ZBTB48: variants seen among roughly 807,000 people sequenced by gnomAD.
The protein encoded by ZBTB48 is zinc finger and BTB domain-containing protein 48.
Under a neutral mutation model 64.5 loss-of-function variants are expected in ZBTB48, and 35 were observed. The ratio of observed to expected loss-of-function variants is 0.54; its 90% CI spans 0.41 to 0.72. The LOEUF (loss-of-function observed/expected upper bound fraction) is 0.72. Ranked by LOEUF, ZBTB48 falls within the 30% of genes least tolerant of loss-of-function variation. ZBTB48 has a pLI of 0.00. For synonymous variants in ZBTB48, 442 were observed against 356.7 expected, an observed-to-expected ratio of 1.24 and a Z score of -2.70; for missense variants, 828 against 895.3, an observed-to-expected ratio of 0.92 and a Z score of 0.96.
intron 7 of ZBTB48, 96 bp downstream of exon 7, chr1:6,587,728 GA>G: frequency 6.5e-7 from 1 of 1,536,628 alleles, no homozygotes. Context: ...TTACACAGAT[GA>G]GTGTGCCCTT....
chr1:6,582,112 C>T lies in ZBTB48; in HGVS notation c.745C>T (p.Pro249Ser). The change falls in exon 3 of 11, where the codon CCT becomes TCT. Residue 249 changes from proline to serine, a missense_variant. Transcript: ENST00000377674. ...TGGGGATGGCGATTACATGTCTGAG[C>T]CTGAGGCTGTGCTGACCAGGAGGAA... ...DDGDGDYMSEPEAVLTRRKSN... is the reference protein window; with the variant it reads ...DDGDGDYMSESEAVLTRRKSN... 6.2e-7 allele frequency: 1 copy of T among 1,614,166 alleles called. No homozygotes were observed. The highest frequency in any genetic ancestry group is 8.5e-7 in the Non-Finnish European group (1 of 1,180,030).
At position 6,588,050 on chromosome 1, in the gene ZBTB48, A is replaced by G; in HGVS notation, c.1380-10A>G. The G allele has an allele frequency of 1.2e-6, 2 of 1,613,750 alleles. No homozygotes were observed. The highest frequency in any genetic ancestry group is 1.7e-6 in the Non-Finnish European group (2 of 1,179,926). ...GTGATGGCCTCTGCCCCATGTCCCC[A>G]CCTTAACAGGAATGAGAGGCCACAC... On this transcript the variant is annotated splice_polypyrimidine_tract_variant and intron_variant, in intron 7 of 10. Transcript: ENST00000377674.
At chr1:6,583,024 C>T (rs1314085035) in intron 3 of ZBTB48, among the ~76,000 whole-genome samples, 2 of 151,746 alleles carry the variant, frequency 1.3e-5, no homozygotes, top group African/African-American at 4.8e-5. Flanking sequence ...TGGAGTCTTG[C>T]TCTGTCACCA....
At position 6,580,475 on chromosome 1, in the gene ZBTB48, C is replaced by A. The variant is rs1220069823; in HGVS notation, c.-69-66C>A. On this transcript the variant is annotated intron_variant, in intron 1 of 10. Transcript: ENST00000377674. The surrounding 1 kb of genome is among the most constrained non-coding windows in gnomAD (Gnocchi z 5.2). ...GTGCACCCCTCACCCTGACCCAAGC[C>A]CTCGTGCTGATAAATATGATTATTT... 5.4e-6 allele frequency: 5 copies of A among 930,232 alleles called. No homozygotes were observed. The highest frequency in any genetic ancestry group is 7.9e-6 in the Non-Finnish European group (5 of 629,170). The allele number at this position is 930,232 out of a possible 1,614,324, so 57.6% of individuals were successfully genotyped here.
intron 3 of ZBTB48, 69 bp from the exon 4 acceptor site, chr1:6,585,850 G>A: frequency 3.4e-6 from 5 of 1,488,210 alleles, no homozygotes; most frequent in Non-Finnish European, 4.7e-6. Context: ...GGGACCCAGA[G>A]GGGGCCCTGG....
At chr1:6,583,282 C>T (rs1199671043) in intron 3 of ZBTB48, among the ~76,000 whole-genome samples, 1 of 151,984 alleles carries the variant, frequency 6.6e-6, no homozygotes, top group Non-Finnish European at 1.5e-5. Flanking sequence ...AGCCACCATG[C>T]TCAGCCTATG....
intron 9 of ZBTB48, 153 bp from the exon 10 acceptor site, chr1:6,588,603 G>A (rs1440448812): frequency 6.9e-7 from 1 of 1,445,216 alleles, no homozygotes; most frequent in South Asian, 1.4e-5. Flanking sequence ...GTGCAGTAGT[G>A]ACCCTGGGTG....
In ZBTB48 at chr1:6,587,615, C is replaced by T. The variant is rs1640722282; in HGVS notation, c.1362C>T (p.His454=). ...RASSRNGLQM[H]IKAKHRNERP... Reference sequence around the variant, plus strand: ...CGAGCCGGAATGGCCTGCAGATGCACATCAAGGCCAAGCACAGGTGCGTGT... The same window carrying T: ...CGAGCCGGAATGGCCTGCAGATGCATATCAAGGCCAAGCACAGGTGCGTGT... Residue 454 remains histidine (H), a synonymous_variant, in exon 7 of 11, where the codon CAC becomes CAT. Transcript: ENST00000377674. 6.2e-7 allele frequency: 1 copy of T among 1,613,232 alleles called. No individual in the cohort carries two copies. Among genetic ancestry groups the T allele is most frequent in the Non-Finnish European group, 8.5e-7 (1 of 1,180,048 alleles).
chr1:6,581,628 CCCTCCAG>C (rs1392765193), intron 2 of ZBTB48, among the ~76,000 whole-genome samples: 4 of 151,598 alleles, frequency 2.6e-5, no homozygotes, highest in Non-Finnish European at 5.9e-5. Context: ...GGTGCCACTA[CCCTCCAG>C]CCTAGGCGAC....
At chr1:6,588,874 C>A (rs1304295694) in intron 10 of ZBTB48, 30 bp downstream of exon 10, 1 of 1,613,882 alleles carries the variant, frequency 6.2e-7, no homozygotes, top group East Asian at 2.2e-5. Flanking sequence ...CCTTCCCCTA[C>A]CCTAGGATCC....
chr1:6,588,043 T>C lies in ZBTB48; in HGVS notation c.1380-17T>C, dbSNP rs368299436. ...TCCCTTGGTGATGGCCTCTGCCCCATGTCCCCACCTTAACAGGAATGAGAG... is the reference window on the plus strand; with the variant it reads ...TCCCTTGGTGATGGCCTCTGCCCCACGTCCCCACCTTAACAGGAATGAGAG... On this transcript the variant is annotated splice_polypyrimidine_tract_variant and intron_variant, in intron 7 of 10. Coordinates refer to ENST00000377674, the MANE Select transcript of ZBTB48 (RefSeq NM_005341.4). 26 of 1,613,780 alleles carry C rather than the reference T, an allele frequency of 1.6e-5. No individual in the cohort carries two copies. The highest frequency in any genetic ancestry group is 8.0e-5 in the African/African-American group (6 of 74,928).
At chr1:6,586,941 T>C (rs1482984005) in intron 5 of ZBTB48, 154 bp downstream of exon 5, 3 of 952,940 alleles carry the variant, frequency 3.1e-6, no homozygotes, top group South Asian at 1.4e-5. Context: ...TGCCCCCTTA[T>C]CTAGGCAGGG....
rs1475477488 is a variant in ZBTB48, at chr1:6,580,663, G to A, written c.54G>A (p.Lys18=). The part of the protein sequence containing the change: ...HSVRVLQELN[K]QREKGQYCDA... ...TGAGGGTTCTGCAGGAGCTCAACAA[G>A]CAGCGGGAGAAGGGCCAGTACTGCG... Residue 18 remains lysine (K), a synonymous_variant, in exon 2 of 11, where the codon AAG becomes AAA. Coordinates refer to ENST00000377674, the MANE Select transcript of ZBTB48 (RefSeq NM_005341.4). This position sits in a 1 kb window ranked among gnomAD's most constrained non-coding sequence, Gnocchi z 5.2. 6 of 1,614,092 alleles carry A rather than the reference G, an allele frequency of 3.7e-6. No homozygotes were observed. The highest frequency in any genetic ancestry group is 1.1e-5 in the South Asian group (1 of 91,082).
intron 9 of ZBTB48, 81 bp downstream of exon 9, chr1:6,588,523 C>T (rs1344537076): frequency 1.4e-6 from 2 of 1,451,258 alleles, no homozygotes; most frequent in East Asian, 2.5e-5. Context: ...CCTTTCTTGC[C>T]TGTGAACCTC....
chr1:6,587,596 G>C lies in ZBTB48; in HGVS notation c.1343G>C (p.Arg448Pro). ...CEECGHRASSRNGLQMHIKAK... is the reference protein window; with the variant it reads ...CEECGHRASSPNGLQMHIKAK... ...GAGTGTGGGCACCGGGCCTCGAGCC[G>C]GAATGGCCTGCAGATGCACATCAAG... The change falls in exon 7 of 11, where the codon CGG becomes CCG. Residue 448 changes from arginine to proline, a missense_variant. Physicochemically the swap from Arg to Pro is moderately radical, Grantham distance 103 (BLOSUM62 -2). Coordinates refer to ENST00000377674, the MANE Select transcript of ZBTB48 (RefSeq NM_005341.4). 1 of 1,613,668 alleles carries C rather than the reference G, an allele frequency of 6.2e-7. No individual in the cohort carries two copies. The highest frequency in any genetic ancestry group is 8.5e-7 in the Non-Finnish European group (1 of 1,180,036).
Position 6,588,263 on chromosome 1 carries a change from G to T in ZBTB48, c.1517-15G>T. 6.2e-7 allele frequency: 1 copy of T among 1,608,494 alleles called. No individual in the cohort carries two copies. Among genetic ancestry groups the T allele is most frequent in the Admixed American group, 1.7e-5 (1 of 59,898 alleles). On this transcript the variant is annotated splice_polypyrimidine_tract_variant and intron_variant, in intron 8 of 10. Coordinates refer to ENST00000377674, the MANE Select transcript of ZBTB48 (RefSeq NM_005341.4). Reference sequence around the variant, plus strand: ...GGCCAAGGCCACAGGCTGAGCTCTTGCCTTGTGCCTGCAGCCAGCCTGGAC... The same window carrying T: ...GGCCAAGGCCACAGGCTGAGCTCTTTCCTTGTGCCTGCAGCCAGCCTGGAC...
Position 6,587,610 on chromosome 1 carries a change from A to G in ZBTB48, c.1357A>G (p.Met453Val), listed in dbSNP as rs1640721994. 6.2e-7 allele frequency: 1 copy of G among 1,613,396 alleles called. No individual in the cohort carries two copies. Among genetic ancestry groups the G allele is most frequent in the Non-Finnish European group, 8.5e-7 (1 of 1,180,032 alleles). The change falls in exon 7 of 11, where the codon ATG becomes GTG. Residue 453 changes from methionine to valine, a missense_variant. Physicochemically the swap from Met to Val is conservative, Grantham distance 21. Coordinates refer to ENST00000377674, the MANE Select transcript of ZBTB48 (RefSeq NM_005341.4). ...GGCCTCGAGCCGGAATGGCCTGCAG[A>G]TGCACATCAAGGCCAAGCACAGGTG... Reference protein sequence around the residue: ...HRASSRNGLQMHIKAKHRNER... With the variant: ...HRASSRNGLQVHIKAKHRNER...
chr1:6,586,775 G>C lies in ZBTB48; in HGVS notation c.1125G>C (p.Glu375Asp), dbSNP rs1295573997. 6.2e-7 allele frequency: 1 copy of C among 1,609,128 alleles called. No individual in the cohort carries two copies. Among genetic ancestry groups the C allele is most frequent in the Non-Finnish European group, 8.5e-7 (1 of 1,177,436 alleles). ...TGCACATGGTGTCTCACACAGGGGA[G>C]ATGCCCTACAAGGTCAGGCTTGGCC... Reference protein sequence around the residue: ...LRVHMVSHTGEMPYKCSSCSQ... With the variant: ...LRVHMVSHTGDMPYKCSSCSQ... The change falls in exon 5 of 11, where the codon GAG (glutamate) becomes GAC (aspartate). Residue 375 changes from glutamate to aspartate, a missense_variant. Glu to Asp is a conservative substitution (Grantham distance 45). Transcript: ENST00000377674.
chr1:6,588,235 T>A (rs1435096567), intron 8 of ZBTB48, 39 bp downstream of exon 8: 8 of 1,612,526 alleles, frequency 5.0e-6, no homozygotes, highest in Non-Finnish European at 5.9e-6. Flanking sequence ...CTCCCCATCC[T>A]GAGGCCAAGG....
Sources: allele counts gnomAD v4.1 joint callset (sites outside exome capture counted in the v4.1 genomes callset), GRCh38; gene constraint gnomAD v4.1.1; non-coding constraint Gnocchi (gnomAD v3.1); transcripts MANE v1.5; gene names NCBI Gene and HGNC (gene_info 2026-07-23, HGNC 2026-07-21).